FAT3: variants seen among roughly 807,000 people sequenced by gnomAD.
FAT3 encodes FAT atypical cadherin 3.
Under a neutral mutation model 310.2 loss-of-function variants are expected in FAT3, and 95 were observed. The ratio of observed to expected loss-of-function variants is 0.31; its 90% CI spans 0.26 to 0.36. FAT3 has a LOEUF of 0.36. Ranked by LOEUF, FAT3 falls within the 10% of genes least tolerant of loss-of-function variation. The pLI is 1.00. For synonymous variants in FAT3, 2,314 were observed against 2,192.9 expected, an observed-to-expected ratio of 1.06 and a Z score of -1.54; for missense variants, 5,408 against 5,715.6, an observed-to-expected ratio of 0.95 and a Z score of 1.74.
At chr11:92,496,534 C>T (rs1442538915) in intron 2 of FAT3, among the ~76,000 whole-genome samples, 1 of 151,990 alleles carries the variant, frequency 6.6e-6, no homozygotes, top group East Asian at 1.9e-4. Flanking sequence ...CACAGTGACC[C>T]CCATGTGCCT....
At chr11:92,494,784 A>G (rs1952706285) in intron 2 of FAT3, among the ~76,000 whole-genome samples, 1 of 152,046 alleles carries the variant, frequency 6.6e-6, no homozygotes, top group Non-Finnish European at 1.5e-5. Context: ...TTAACAGAAC[A>G]TGTGGAAAAT....
chr11:92,542,514 T>C (rs1485011091), intron 3 of FAT3, among the ~76,000 whole-genome samples: 2 of 151,776 alleles, frequency 1.3e-5, no homozygotes, highest in African/African-American at 4.8e-5. Context: ...TAACTCTGAT[T>C]AGAAAATGGA....
At chr11:92,793,800 T>G (rs565036441) in intron 9 of FAT3, among the ~76,000 whole-genome samples, 9 of 152,332 alleles carry the variant, frequency 5.9e-5, no homozygotes, top group Non-Finnish European at 7.3e-5. Flanking sequence ...CAATATCCTT[T>G]CATGCCAGGG....
intron 1 of FAT3, among the ~76,000 whole-genome samples, chr11:92,266,244 G>A (rs1945944443): frequency 6.6e-6 from 1 of 152,100 alleles, no homozygotes; most frequent in East Asian, 1.9e-4. Flanking sequence ...CCATTCATAT[G>A]GTTTATTTCA....
At chr11:92,419,924 G>A (rs577130164) in intron 2 of FAT3, among the ~76,000 whole-genome samples, 4 of 152,220 alleles carry the variant, frequency 2.6e-5, no homozygotes, top group South Asian at 2.1e-4. Context: ...TAGTGTCTTC[G>A]GGAAGATAGG....
intron 19 of FAT3, among the ~76,000 whole-genome samples, chr11:92,853,233 A>G (rs955191838): frequency 2.0e-5 from 3 of 152,240 alleles, no homozygotes; most frequent in Non-Finnish European, 2.9e-5. Flanking sequence ...CTGCTATGGC[A>G]GGGCAGGCAG....
At chr11:92,636,937 G>A (rs773231990) in intron 3 of FAT3, among the ~76,000 whole-genome samples, 1 of 152,142 alleles carries the variant, frequency 6.6e-6, no homozygotes, top group Non-Finnish European at 1.5e-5. Flanking sequence ...GTCTTACATA[G>A]CCTCTCTACT....
At chr11:92,847,509 C>T (rs1295346503) in intron 19 of FAT3, among the ~76,000 whole-genome samples, 5 of 152,160 alleles carry the variant, frequency 3.3e-5, no homozygotes, top group Admixed American at 3.3e-4. Context: ...ATGTGATTTT[C>T]CTAGCAGAAT....
At chr11:92,885,537 G>T (rs1241552276) in intron 24 of FAT3, among the ~76,000 whole-genome samples, 2 of 152,126 alleles carry the variant, frequency 1.3e-5, no homozygotes, top group Non-Finnish European at 2.9e-5. Context: ...TCTGCTGATT[G>T]TCTTTCTGTA....
At chr11:92,693,158 C>T (rs1325700380) in intron 3 of FAT3, among the ~76,000 whole-genome samples, 2 of 152,186 alleles carry the variant, frequency 1.3e-5, no homozygotes, top group Admixed American at 6.5e-5. Flanking sequence ...TATGTCTCCC[C>T]CACCTCCTTA....
intron 1 of FAT3, among the ~76,000 whole-genome samples, chr11:92,341,812 C>T (rs903793935): frequency 3.3e-5 from 5 of 152,130 alleles, no homozygotes; most frequent in South Asian, 2.1e-4. Flanking sequence ...TCAGCCATTT[C>T]GTGATATATT....
At chr11:92,674,625 T>C (rs1943230816) in intron 3 of FAT3, among the ~76,000 whole-genome samples, 1 of 152,028 alleles carries the variant, frequency 6.6e-6, no homozygotes, top group Non-Finnish European at 1.5e-5. Context: ...AGGGCTCAAG[T>C]GATTCTCCCA....
chr11:92,351,672 T>G (rs1948571170), intron 1 of FAT3, among the ~76,000 whole-genome samples: 1 of 152,050 alleles, frequency 6.6e-6, no homozygotes, highest in African/African-American at 2.4e-5. Flanking sequence ...TCTTCATTTT[T>G]TTTTTACTTT....
chr11:92,408,334 T>C (rs912821147), intron 2 of FAT3, among the ~76,000 whole-genome samples: 7 of 152,074 alleles, frequency 4.6e-5, no homozygotes, highest in African/African-American at 1.4e-4. Flanking sequence ...CTTCAACATA[T>C]GAGTTTGGCA....
chr11:92,283,584 C>T (rs1946484057), intron 1 of FAT3, among the ~76,000 whole-genome samples: 1 of 152,146 alleles, frequency 6.6e-6, no homozygotes, highest in Admixed American at 6.5e-5. Context: ...TAATGATGAC[C>T]TGTTCACTTG....
chr11:92,362,988 C>T (rs1268311577), intron 2 of FAT3, among the ~76,000 whole-genome samples: 1 of 152,074 alleles, frequency 6.6e-6, no homozygotes, highest in Non-Finnish European at 1.5e-5. Context: ...TCTTTTCTAC[C>T]ATAAAAGAAC....
intron 7 of FAT3, among the ~76,000 whole-genome samples, chr11:92,785,093 T>A (rs1390325227): frequency 1.3e-5 from 2 of 152,040 alleles, no homozygotes; most frequent in Non-Finnish European, 2.9e-5. Flanking sequence ...TTGTCCCATG[T>A]CCAGCTGACT....
intron 3 of FAT3, among the ~76,000 whole-genome samples, chr11:92,642,672 A>C (rs1942005374): frequency 6.6e-6 from 1 of 152,232 alleles, no homozygotes; most frequent in Admixed American, 6.5e-5. Flanking sequence ...GAGCATTTCT[A>C]GAGAGCATTG....
intron 3 of FAT3, among the ~76,000 whole-genome samples, chr11:92,599,719 A>G (rs1289889632): frequency 6.6e-6 from 1 of 152,216 alleles, no homozygotes; most frequent in Non-Finnish European, 1.5e-5. Flanking sequence ...TAAAAATTAT[A>G]TCTTAATTAT....
Sources: gnomAD v4.1 joint callset for allele counts (sites outside exome capture counted in the v4.1 genomes callset) on GRCh38, gnomAD v4.1.1 for gene constraint, MANE v1.5 for transcripts, NCBI Gene and HGNC (gene_info 2026-07-23, HGNC 2026-07-21) for gene names.